Variants in CTTN observed in about 807,000 individuals in gnomAD.
The protein encoded by CTTN is cortactin.
In CTTN, 28 loss-of-function variants were observed where a neutral mutation model predicts 84.0. The ratio of observed to expected loss-of-function variants is 0.33; its 90% CI spans 0.25 to 0.46. The LOEUF is 0.46. Ranked by LOEUF, CTTN falls within the 20% of genes least tolerant of loss-of-function variation. The pLI is 1.00. For missense variants in CTTN, 641 were observed against 723.8 expected (o/e 0.89, Z 1.31); for synonymous variants, 301 against 288.8 (o/e 1.04, Z -0.43).
At chr11:70,428,950 G>A in intron 13 of CTTN, 101 bp from the exon 14 acceptor site, 1 of 1,413,240 alleles carries the variant, frequency 7.1e-7, no homozygotes, top group Non-Finnish European at 9.8e-7. Context: ...TTAGGGGGAT[G>A]ACCGGTTCCT....
rs373863481 is a variant in CTTN at position 70,407,520 on chromosome 11, T to C, written c.90T>C (p.Asn30=). The C allele has an allele frequency of 1.1e-5, 17 of 1,608,804 alleles. No individual in the cohort carries two copies. Among genetic ancestry groups the C allele is most frequent in the Non-Finnish European group, 1.4e-5 (16 of 1,176,746 alleles). Residue 30 remains asparagine (N), a splice_region_variant and synonymous_variant, in exon 4 of 18, where the codon AAT becomes AAC. Transcript: ENST00000301843. ...TTACTGGTCGCTTTTCTTTTCAGAA[T>C]GATGTGAGTGAGAAGGAGCAAAGAT... The part of the protein sequence containing the change: ...DDWETDPDFV[N]DVSEKEQRWG...
rs538760607 is a variant in CTTN at position 70,400,741 on chromosome 11, C to T, written c.-98+2127C>T. Among the ~76,000 whole-genome samples, 4 of 152,382 alleles carry T rather than the reference C, an allele frequency of 2.6e-5. No individual in the cohort carries two copies. The East Asian group carries it at 5.8e-4, about 22-fold the overall frequency. ...TGTGAATTGCTGTGAGCGCTGGTTGCTGCCTTGTGTTGCAGTATTCCCATG... is the reference window on the plus strand; with the variant it reads ...TGTGAATTGCTGTGAGCGCTGGTTGTTGCCTTGTGTTGCAGTATTCCCATG... On this transcript the variant is annotated intron_variant, in intron 1 of 17. Coordinates refer to ENST00000301843, the MANE Select transcript of CTTN (RefSeq NM_005231.4).
chr11:70,426,235 G>A (rs1158348476), intron 13 of CTTN, among the ~76,000 whole-genome samples: 2 of 152,136 alleles, frequency 1.3e-5, no homozygotes, highest in Middle Eastern at 3.4e-3. Flanking sequence ...ATGAAACCCC[G>A]TCTCTACTAA....
At chr11:70,406,294 G>A (rs2058040584) in intron 2 of CTTN, among the ~76,000 whole-genome samples, 1 of 152,176 alleles carries the variant, frequency 6.6e-6, no homozygotes, top group Non-Finnish European at 1.5e-5. Flanking sequence ...AGAGGAGCCA[G>A]ATGGGACATT....
chr11:70,411,343 C>T (rs2058094353), intron 5 of CTTN, among the ~76,000 whole-genome samples: 1 of 126,002 alleles, frequency 7.9e-6, no homozygotes, highest in South Asian at 3.0e-4. Flanking sequence ...CGTGTGCACA[C>T]GGACAGACGG....
rs370209086 is a variant in CTTN, at chr11:70,423,003, T to C, written c.957+8T>C. On this transcript the variant is annotated splice_region_variant and intron_variant, in intron 12 of 17. Coordinates refer to ENST00000301843, the MANE Select transcript of CTTN (RefSeq NM_005231.4). ...AAGGATCGGATGGATAAGGTAAATA[T>C]TCCAGCCCCGGAGCTTAGTGTCTTC... 11 of 1,613,636 alleles carry C rather than the reference T, an allele frequency of 6.8e-6. No homozygotes were observed. The highest frequency in any genetic ancestry group is 9.3e-6 in the Non-Finnish European group (11 of 1,179,874).
chr11:70,431,898 C>T (rs557072459), intron 15 of CTTN, among the ~76,000 whole-genome samples: 5 of 152,296 alleles, frequency 3.3e-5, no homozygotes, highest in South Asian at 4.1e-4. Context: ...AGCACCTCTG[C>T]GCTAACCACA....
intron 10 of CTTN, among the ~76,000 whole-genome samples, chr11:70,420,788 G>C (rs1483261187): frequency 1.3e-5 from 2 of 152,066 alleles, no homozygotes; most frequent in Admixed American, 6.5e-5. Context: ...GGTTTACCCA[G>C]GAGTGGGGAC....
chr11:70,427,629 G>A (rs968436877), intron 13 of CTTN, among the ~76,000 whole-genome samples: 2 of 152,254 alleles, frequency 1.3e-5, no homozygotes, highest in African/African-American at 4.8e-5. Flanking sequence ...AGGCAGTGGT[G>A]GTCCTGCAGG....
At chr11:70,412,708 G>A (rs966152402) in intron 5 of CTTN, among the ~76,000 whole-genome samples, 1 of 152,128 alleles carries the variant, frequency 6.6e-6, no homozygotes, top group African/African-American at 2.4e-5. Context: ...CGCGGGGCAG[G>A]CTTCCTTCTT....
intron 13 of CTTN, among the ~76,000 whole-genome samples, chr11:70,425,748 G>C (rs1205915988): frequency 6.6e-6 from 1 of 152,208 alleles, no homozygotes; most frequent in East Asian, 1.9e-4. Flanking sequence ...GAGCCGCTCG[G>C]TCGCAGCTGT....
At chr11:70,417,444 C>G (rs2058177075) in intron 8 of CTTN, among the ~76,000 whole-genome samples, 1 of 152,016 alleles carries the variant, frequency 6.6e-6, no homozygotes, top group African/African-American at 2.4e-5. Context: ...TCAAGCAATC[C>G]TCCCCCACCT....
At chr11:70,431,066 G>A in intron 14 of CTTN, 125 bp from the exon 15 acceptor site, 2 of 933,410 alleles carry the variant, frequency 2.1e-6, no homozygotes, top group Non-Finnish European at 3.4e-6. Flanking sequence ...GCCTTGGTGT[G>A]GGTGTTTTCC....
At chr11:70,426,058 A>G (rs1044545879) in intron 13 of CTTN, among the ~76,000 whole-genome samples, 1 of 152,020 alleles carries the variant, frequency 6.6e-6, no homozygotes, top group Non-Finnish European at 1.5e-5. Context: ...CACTTTGACC[A>G]CTCGTGAGAA....
At chr11:70,425,625 G>A (rs1012774716) in intron 13 of CTTN, among the ~76,000 whole-genome samples, 2 of 152,186 alleles carry the variant, frequency 1.3e-5, no homozygotes, top group Non-Finnish European at 2.9e-5. Context: ...GTTTCAGTGG[G>A]GCCCGTTTCA....
At chr11:70,404,777 C>T (rs1042406885) in intron 1 of CTTN, among the ~76,000 whole-genome samples, 2 of 152,042 alleles carry the variant, frequency 1.3e-5, no homozygotes, top group Non-Finnish European at 2.9e-5. Context: ...CCAAGGCAGG[C>T]GGATCACCTG....
At chr11:70,432,943 C>T (rs1347940687) in intron 15 of CTTN, among the ~76,000 whole-genome samples, 158 bp from the exon 16 acceptor site, 3 of 152,168 alleles carry the variant, frequency 2.0e-5, no homozygotes, top group African/African-American at 4.8e-5. Flanking sequence ...GTGAACACAC[C>T]GGCAGGCCTG....
chr11:70,416,460 C>G (rs2058161816), intron 7 of CTTN, among the ~76,000 whole-genome samples: 1 of 152,142 alleles, frequency 6.6e-6, no homozygotes. Context: ...GAGACAGAGT[C>G]TCGCTCTGTT....
intron 6 of CTTN, among the ~76,000 whole-genome samples, chr11:70,414,943 C>T (rs919516386): frequency 6.6e-6 from 1 of 152,184 alleles, no homozygotes; most frequent in Non-Finnish European, 1.5e-5. Flanking sequence ...CGTTTCCACC[C>T]GTGTTTCTCA....
Sources: allele counts gnomAD v4.1 joint callset (sites outside exome capture counted in the v4.1 genomes callset), GRCh38; gene constraint gnomAD v4.1.1; transcripts MANE v1.5; gene names NCBI Gene and HGNC (gene_info 2026-07-23, HGNC 2026-07-21).